The following PRORP variants were observed in gnomAD, a reference collection of about 807,000 sequenced individuals.
PRORP encodes the protein protein only RNase P catalytic subunit, also known as mitochondrial ribonuclease P catalytic subunit.
In PRORP, 51 loss-of-function variants were observed where a neutral mutation model predicts 59.4. The observed-to-expected ratio is 0.86, with a 90% CI of 0.69 to 1.08. PRORP has a LOEUF of 1.08. Among genes scored for constraint, PRORP ranks in the 50% least tolerant of loss-of-function variants. The pLI is 0.00. For synonymous variants in PRORP, 231 were observed against 245.6 expected (o/e 0.94, Z 0.55); for missense variants, 646 against 690.3 (o/e 0.94, Z 0.72).
At chr14:35,172,499 C>CGT (rs1158896869) in intron 4 of PRORP, among the ~76,000 whole-genome samples, 17 of 34,758 alleles carry the variant, frequency 4.9e-4, no homozygotes, top group South Asian at 9.1e-4. Context: ...TTCCTCTCTC[C>CGT]CTCTCTCCCT....
At chr14:35,201,898 T>C (rs992117855) in intron 5 of PRORP, among the ~76,000 whole-genome samples, 1 of 151,952 alleles carries the variant, frequency 6.6e-6, no homozygotes, top group African/African-American at 2.4e-5. Context: ...CCTCAGATGA[T>C]CTGCCCACTT....
In PRORP at chr14:35,142,173, C is replaced by G. The variant is rs2047495977; in HGVS notation, c.1167+14562C>G. On this transcript the variant is annotated intron_variant, in intron 4 of 7. Coordinates refer to ENST00000534898, the MANE Select transcript of PRORP (RefSeq NM_014672.4). ...GGATTACAGGCGTGAGCCACCGCGC[C>G]CAGCCTTAATTTATTATCTTATGTA... Among the ~76,000 whole-genome samples, 2 of 143,078 alleles carry G rather than the reference C, an allele frequency of 1.4e-5. 1 individual carries two copies. The allele number at this position is 143,078 out of a possible 152,430, so 93.9% of individuals were successfully genotyped here. A position where few individuals can be genotyped will look rare whatever the true frequency, so the allele number is the denominator to read the frequency against.
chr14:35,251,378 A>G lies in PRORP; in HGVS notation c.1276-15349A>G, dbSNP rs958721449. On this transcript the variant is annotated intron_variant, in intron 5 of 7. Coordinates refer to ENST00000534898, the MANE Select transcript of PRORP (RefSeq NM_014672.4). ...AGATCCTTTTTTTATATTACCACTT[A>G]GGAACACCTTGACTAAGTCCCTAAT... 2.0e-5 allele frequency among the ~76,000 whole-genome samples: 3 copies of G among 152,292 alleles called. No individual in the cohort carries two copies. The East Asian group carries it at 5.8e-4, about 29-fold the overall frequency.
intron 4 of PRORP, among the ~76,000 whole-genome samples, chr14:35,138,234 T>TA (rs2047414642): frequency 6.9e-6 from 1 of 145,512 alleles, no homozygotes; most frequent in Non-Finnish European, 1.5e-5. Context: ...GGCCCATCCT[T>TA]ATGACCTTAT....
chr14:35,240,117 AG>A (rs1202958111), intron 5 of PRORP, among the ~76,000 whole-genome samples: 1 of 151,818 alleles, frequency 6.6e-6, no homozygotes, highest in Non-Finnish European at 1.5e-5. Flanking sequence ...AAGATGTTGA[AG>A]AGCTTAGTAG....
intron 5 of PRORP, among the ~76,000 whole-genome samples, chr14:35,238,164 A>G (rs2050268461): frequency 6.6e-6 from 1 of 152,144 alleles, no homozygotes; most frequent in Admixed American, 6.5e-5. Flanking sequence ...ACAAATGAGA[A>G]AACTGAGGTG....
At chr14:35,240,021 G>A (rs1359568986) in intron 5 of PRORP, among the ~76,000 whole-genome samples, 1 of 150,786 alleles carries the variant, frequency 6.6e-6, no homozygotes, top group Non-Finnish European at 1.5e-5. Context: ...GTTGCAGTGA[G>A]TGGAGATCAT....
intron 4 of PRORP, among the ~76,000 whole-genome samples, chr14:35,175,917 A>G (rs546027128): frequency 2.8e-4 from 43 of 152,292 alleles, no homozygotes; most frequent in African/African-American, 1.0e-3. Flanking sequence ...TAATTTTTGT[A>G]TAAGGTGTAA....
At chr14:35,151,907 T>C (rs182607402) in intron 4 of PRORP, among the ~76,000 whole-genome samples, 236 of 151,856 alleles carry the variant, frequency 1.6e-3, no homozygotes, top group African/African-American at 5.4e-3. Context: ...TCTAATTTTT[T>C]TTCTTCTTTT....
chr14:35,180,624 C>T, intron 4 of PRORP, 46 bp from the exon 5 acceptor site: 2 of 1,174,016 alleles, frequency 1.7e-6, no homozygotes, highest in Non-Finnish European at 2.5e-6. Flanking sequence ...ATAATAAAGT[C>T]CTTACTGAGT....
chr14:35,254,605 A>G (rs1451513577), intron 5 of PRORP, among the ~76,000 whole-genome samples: 1 of 152,110 alleles, frequency 6.6e-6, no homozygotes, highest in Non-Finnish European at 1.5e-5. Flanking sequence ...TTGATCAGGC[A>G]GGTCTTGAAC....
At chr14:35,255,129 T>G (rs1354614248) in intron 5 of PRORP, among the ~76,000 whole-genome samples, 1 of 152,152 alleles carries the variant, frequency 6.6e-6, no homozygotes, top group Non-Finnish European at 1.5e-5. Context: ...TGTGTTTGGT[T>G]GTTTTTTTGT....
chr14:35,231,230 G>T (rs1451039309), intron 5 of PRORP, among the ~76,000 whole-genome samples: 1 of 152,038 alleles, frequency 6.6e-6, no homozygotes, highest in Non-Finnish European at 1.5e-5. Context: ...TTTATTTGGT[G>T]GGTTTTTTAA....
intron 5 of PRORP, chr14:35,235,471 G>A: frequency 1.6e-6 from 1 of 640,196 alleles, no homozygotes; most frequent in East Asian, 3.2e-5. Flanking sequence ...CAAGCAGGAA[G>A]ACAACTAGCT....
In PRORP at chr14:35,273,902, T is replaced by C. The variant is rs931013179; in HGVS notation, c.*336T>C. On this transcript the variant is annotated 3_prime_UTR_variant, in exon 8 of 8. Transcript: ENST00000534898. ...ATTTTTTGCTACTTCTGACCTTGCC[T>C]TCCAGGCCTACCAATAGCAGAATCA... is the stretch of plus-strand genomic sequence containing the variant. The C allele has an allele frequency of 5.5e-6, 1 of 181,138 alleles. No homozygotes were observed. Among genetic ancestry groups the C allele is most frequent in the Non-Finnish European group, 1.2e-5 (1 of 86,650 alleles). 11.2% of individuals were successfully genotyped at this position (181,138 alleles called of 1,614,324 possible).
At chr14:35,264,116 T>TACTCATTC (rs2050976459) in intron 5 of PRORP, among the ~76,000 whole-genome samples, 1 of 151,882 alleles carries the variant, frequency 6.6e-6, no homozygotes, top group South Asian at 2.1e-4. Flanking sequence ...TTATTTTATT[T>TACTCATTC]ATTCATTCAT....
chr14:35,123,025 A>G lies in PRORP; in HGVS notation c.-221A>G, dbSNP rs1420570131. On this transcript the variant is annotated 5_prime_UTR_variant, in exon 2 of 8. Transcript: ENST00000534898. ...CCTGGTTTGCGGCTTGCGACGTTGG[A>G]CATCCCCGGATTGTTGTTTAATAGA... 1.3e-4 allele frequency: 70 copies of G among 541,280 alleles called. No individual in the cohort carries two copies. The highest frequency in any genetic ancestry group is 4.8e-4 in the Middle Eastern group (1 of 2,084). 33.5% of individuals were successfully genotyped at this position (541,280 alleles called of 1,614,324 possible).
intron 5 of PRORP, among the ~76,000 whole-genome samples, chr14:35,266,134 A>G (rs552478160): frequency 2.0e-4 from 31 of 152,178 alleles, no homozygotes; most frequent in Admixed American, 1.3e-3. Flanking sequence ...CCTGACCAAC[A>G]TGGTGAAACC....
At chr14:35,202,900 C>T (rs1375393937) in intron 5 of PRORP, among the ~76,000 whole-genome samples, 1 of 152,168 alleles carries the variant, frequency 6.6e-6, no homozygotes, top group African/African-American at 2.4e-5. Flanking sequence ...TCCCAAAGTG[C>T]TGGGATTACA....
Sources: allele counts gnomAD v4.1 joint callset (sites outside exome capture counted in the v4.1 genomes callset), GRCh38; gene constraint gnomAD v4.1.1; transcripts MANE v1.5; gene names NCBI Gene and HGNC (gene_info 2026-07-23, HGNC 2026-07-21).